Variants in ZC3H13 observed in about 807,000 individuals in gnomAD.
ZC3H13 encodes the protein zinc finger CCCH-type containing 13.
In ZC3H13, 64 loss-of-function variants were observed where a neutral mutation model predicts 204.1. The ratio of observed to expected loss-of-function variants is 0.31; its 90% CI spans 0.26 to 0.39. ZC3H13 has a LOEUF of 0.39. Among genes scored for constraint, ZC3H13 ranks in the 10% least tolerant of loss-of-function variants. The pLI, the probability that ZC3H13 is intolerant of heterozygous loss-of-function variation, is 1.00. For synonymous variants in ZC3H13, 667 were observed against 693.7 expected, an observed-to-expected ratio of 0.96 and a Z score of 0.60; for missense variants, 1,833 against 2,082.7, an observed-to-expected ratio of 0.88 and a Z score of 2.33.
intron 4 of ZC3H13, among the ~76,000 whole-genome samples, chr13:46,040,331 T>G (rs1041295484): frequency 2.0e-5 from 3 of 152,152 alleles, no homozygotes; most frequent in Non-Finnish European, 4.4e-5. Context: ...CTTCCTTGAT[T>G]CAGTTACAAT....
chr13:45,983,145 C>G (rs1393115275), intron 10 of ZC3H13, among the ~76,000 whole-genome samples: 1 of 151,772 alleles, frequency 6.6e-6, no homozygotes, highest in East Asian at 1.9e-4. Flanking sequence ...TCAACCATTA[C>G]AAATGCAACT....
At chr13:45,960,372 TAGATTTCA>T (rs1951593780) in intron 17 of ZC3H13, among the ~76,000 whole-genome samples, 1 of 152,246 alleles carries the variant, frequency 6.6e-6, no homozygotes, top group Non-Finnish European at 1.5e-5. Context: ...TTTAGAGTTT[TAGATTTCA>T]AGACTTTATT....
chr13:46,008,732 A>G (rs545177120), intron 7 of ZC3H13, among the ~76,000 whole-genome samples: 4 of 152,300 alleles, frequency 2.6e-5, no homozygotes, highest in African/African-American at 7.2e-5. Context: ...AGCCAAGAGG[A>G]TAAGAGCAAG....
intron 3 of ZC3H13, among the ~76,000 whole-genome samples, chr13:46,042,477 TAC>T (rs1021985961): frequency 8.5e-5 from 13 of 152,254 alleles, no homozygotes; most frequent in South Asian, 2.1e-4. Context: ...GAGCAACACT[TAC>T]AGTTTTTCTC....
chr13:45,975,899 G>A (rs1266968175), intron 11 of ZC3H13, 61 bp from the exon 12 acceptor site: 35 of 1,516,326 alleles, frequency 2.3e-5, no homozygotes, highest in Non-Finnish European at 2.9e-5. Flanking sequence ...TGGTAAGACA[G>A]CATGGTAAAT....
In ZC3H13 at chr13:46,044,936, T is replaced by C. The variant is rs3736943; in HGVS notation, c.227+19A>G. The C allele has an allele frequency of 0.31, 496,138 of 1,581,318 alleles. 79,821 individuals carry two copies. Among genetic ancestry groups the C allele is most frequent in the Non-Finnish European group, 0.33 (378,458 of 1,155,960 alleles). On this transcript the variant is annotated intron_variant, in intron 3 of 18. Coordinates refer to ENST00000679008, the MANE Select transcript of ZC3H13 (RefSeq NM_001330564.2). ...CCATCTTCTAATAGTACATGAACAA[T>C]ACAAAGTTCTCAGTTTACCTTCTAT...
chr13:45,969,009 G>A lies in ZC3H13; in HGVS notation c.3535C>T (p.Gln1179Ter). 6.2e-7 allele frequency: 1 copy of A among 1,614,198 alleles called. No homozygotes were observed. The highest frequency in any genetic ancestry group is 8.5e-7 in the Non-Finnish European group (1 of 1,180,034). ...TTTTGATCCATAGGCTTGCGATGCT[G>A]TGCATCTTCTATAGTCACGTGAGGC... ...ETPHVTIEDAQHRKPMDQKRS... is the reference protein window; with the variant it reads ...ETPHVTIEDA The change falls in exon 14 of 19, where the codon CAG becomes TAG. Residue 1179 changes from glutamine to a stop codon, truncating the protein, a stop_gained. Transcript: ENST00000679008. LOFTEE classifies it high-confidence loss of function.
intron 17 of ZC3H13, among the ~76,000 whole-genome samples, chr13:45,961,996 T>C (rs1231221311): frequency 6.6e-6 from 1 of 152,228 alleles, no homozygotes; most frequent in African/African-American, 2.4e-5. Context: ...GTTGTTTCTT[T>C]TAAAAATTAT....
In ZC3H13 at chr13:45,985,294, T is replaced by C. The variant is rs200942194; in HGVS notation, c.1720+3A>G. The C allele has an allele frequency of 3.1e-5, 50 of 1,606,450 alleles. No individual in the cohort carries two copies. The highest frequency in any genetic ancestry group is 3.4e-6 in the Non-Finnish European group (4 of 1,176,676). ...TAGTTCATAGACAAGTCAAAAACCTTACCCTTTTCAGGTAACTCAGGAACC... is the reference window on the plus strand; with the variant it reads ...TAGTTCATAGACAAGTCAAAAACCTCACCCTTTTCAGGTAACTCAGGAACC... On this transcript the variant is annotated splice_donor_region_variant and intron_variant, in intron 10 of 18. Transcript: ENST00000679008.
intron 8 of ZC3H13, 111 bp from the exon 9 acceptor site, chr13:45,989,208 A>T: frequency 9.1e-7 from 1 of 1,093,998 alleles, no homozygotes; most frequent in Non-Finnish European, 1.3e-6. Flanking sequence ...CAATAACTTC[A>T]GAATAAATTT....
intron 4 of ZC3H13, among the ~76,000 whole-genome samples, chr13:46,041,430 G>A (rs1209094594): frequency 6.6e-6 from 1 of 152,040 alleles, no homozygotes; most frequent in Non-Finnish European, 1.5e-5. Context: ...CTAGGAGGGC[G>A]ACTGCTGAAA....
intron 4 of ZC3H13, among the ~76,000 whole-genome samples, chr13:46,025,775 T>C (rs1465805163): frequency 1.3e-5 from 2 of 152,198 alleles, no homozygotes. Flanking sequence ...TTATTTACTG[T>C]CATGTGGTAT....
At chr13:45,989,988 C>G (rs1010511446) in intron 8 of ZC3H13, among the ~76,000 whole-genome samples, 1 of 152,140 alleles carries the variant, frequency 6.6e-6, no homozygotes, top group Non-Finnish European at 1.5e-5. Flanking sequence ...TTTTTTAAGT[C>G]AAAGTATTTC....
chr13:46,023,759 A>C (rs147721114), intron 4 of ZC3H13, among the ~76,000 whole-genome samples: 2 of 152,336 alleles, frequency 1.3e-5, no homozygotes, highest in East Asian at 3.9e-4. Context: ...AGTAACAGTG[A>C]AATCATCAAA....
chr13:45,982,305 C>A (rs1953710151), intron 10 of ZC3H13, among the ~76,000 whole-genome samples: 1 of 151,868 alleles, frequency 6.6e-6, no homozygotes, highest in Non-Finnish European at 1.5e-5. Context: ...AAAAAGGCTA[C>A]ATATAACATC....
intron 5 of ZC3H13, among the ~76,000 whole-genome samples, chr13:46,013,315 G>C (rs1176017897): frequency 6.6e-6 from 1 of 152,036 alleles, no homozygotes; most frequent in Non-Finnish European, 1.5e-5. Context: ...TCAGGAGTCA[G>C]AGGCAGGAGA....
intron 11 of ZC3H13, among the ~76,000 whole-genome samples, chr13:45,979,577 G>A (rs1019772866): frequency 2.6e-5 from 4 of 152,056 alleles, no homozygotes; most frequent in African/African-American, 9.7e-5. Context: ...ACACACAGTA[G>A]GGCACCCAAG....
At chr13:45,970,332 A>T (rs1361068415) in intron 13 of ZC3H13, 30 bp downstream of exon 13, 1 of 1,601,742 alleles carries the variant, frequency 6.2e-7, no homozygotes, top group African/African-American at 1.3e-5. Flanking sequence ...GAATATGAAT[A>T]TAGAGAGACA....
At chr13:45,999,639 A>C (rs1359854768) in intron 8 of ZC3H13, among the ~76,000 whole-genome samples, 2 of 152,208 alleles carry the variant, frequency 1.3e-5, no homozygotes, top group African/African-American at 4.8e-5. Context: ...TCATCCATGA[A>C]CGTTGTAATT....
Sources: gnomAD v4.1 joint callset for allele counts (sites outside exome capture counted in the v4.1 genomes callset) on GRCh38, gnomAD v4.1.1 for gene constraint, MANE v1.5 for transcripts, NCBI Gene and HGNC (gene_info 2026-07-23, HGNC 2026-07-21) for gene names.